The following CYP17A1 variants were observed in gnomAD, a reference collection of about 807,000 sequenced individuals.
CYP17A1 encodes cytochrome P450 family 17 subfamily A member 1.
Under a neutral mutation model 38.5 loss-of-function variants are expected in CYP17A1, and 27 were observed. That is an observed-to-expected ratio of 0.70 (90% confidence interval 0.52 to 0.97). CYP17A1 has a LOEUF of 0.97. Ranked by LOEUF, CYP17A1 falls within the 50% of genes least tolerant of loss-of-function variation. The probability of loss-of-function intolerance (pLI) is 0.00; values close to 1 mark genes in which losing one functional copy is unlikely to be tolerated. For synonymous variants in CYP17A1, 263 were observed against 253.3 expected (o/e 1.04, Z -0.36); for missense variants, 549 against 645.9 (o/e 0.85, Z 1.63).
chr10:102,834,048 A>G lies in CYP17A1; in HGVS notation c.741T>C (p.Leu247=), dbSNP rs778591928. ...CTCTATCACCTACCTTGTAATTTTC[A>G]AGTATTTTATTCAGCAGATCATTTC... The part of the protein sequence containing the change: ...KIRNDLLNKI[L]ENYKEKFRSD... Residue 247 remains leucine (L), a synonymous_variant, in exon 4 of 8, where the codon CTT becomes CTC. Transcript: ENST00000369887. 7 of 1,184,496 alleles carry G rather than the reference A, an allele frequency of 5.9e-6. No homozygotes were observed. Among genetic ancestry groups the G allele is most frequent in the Non-Finnish European group, 7.6e-6 (6 of 787,316 alleles). 73.4% of individuals were successfully genotyped at this position (1,184,496 alleles called of 1,614,324 possible). A position where few individuals can be genotyped will look rare whatever the true frequency, so the allele number is the denominator to read the frequency against.
At position 102,834,875 on chromosome 10, in the gene CYP17A1, G is replaced by A. The variant is rs375364403; in HGVS notation, c.576C>T (p.Asp192=). The change falls in exon 3 of 8, where the codon GAC becomes GAT. Residue 192 remains aspartate (D), a synonymous_variant. Coordinates refer to ENST00000369887, the MANE Select transcript of CYP17A1 (RefSeq NM_000102.4). ...AATTCTGTATGACATTCAACTCAGG[G>A]TCCCCATTCTTGTAGGAGGTATTGA... is the stretch of plus-strand genomic sequence containing the variant. The part of the protein sequence containing the change: ...ICFNTSYKNG[D]PELNVIQNYN... 10 of 1,613,898 alleles carry A rather than the reference G, an allele frequency of 6.2e-6. No homozygotes were observed. The highest frequency in any genetic ancestry group is 7.6e-6 in the Non-Finnish European group (9 of 1,180,014).
chr10:102,834,417 G>A, intron 3 of CYP17A1: 1 of 551,154 alleles, frequency 1.8e-6, no homozygotes, highest in Non-Finnish European at 3.4e-6. Context: ...AGAGACATGA[G>A]CCTGAAGGCT....
At position 102,837,349 on chromosome 10, in the gene CYP17A1, C is replaced by T. The variant is rs749456949; in HGVS notation, c.13G>A (p.Val5Met). The change falls in exon 1 of 8, where the codon GTG (valine) becomes ATG (methionine). Residue 5 changes from valine (V) to methionine (M), a missense_variant. Val to Met is a conservative substitution (Grantham distance 21, BLOSUM62 1). Coordinates refer to ENST00000369887, the MANE Select transcript of CYP17A1 (RefSeq NM_000102.4). ...GCTAGGGTAAGCAGCAAGAGAGCCA[C>T]GAGCTCCCACATGGTGGCTGGGTGC... is the stretch of plus-strand genomic sequence containing the variant. Reference protein sequence around the residue: MWELVALLLLTLAYL... With the variant: MWELMALLLLTLAYL... 30 of 1,610,948 alleles carry T rather than the reference C, an allele frequency of 1.9e-5. No individual in the cohort carries two copies. Among genetic ancestry groups the T allele is most frequent in the South Asian group, 3.3e-5 (3 of 91,014 alleles).
Position 102,830,787 on chromosome 10 carries a change from T to C in CYP17A1, c.1442A>G (p.Lys481Arg). 1 of 1,595,710 alleles carries C rather than the reference T, an allele frequency of 6.3e-7. No individual in the cohort carries two copies. Among genetic ancestry groups the C allele is most frequent in the Non-Finnish European group, 8.6e-7 (1 of 1,165,640 alleles). ...GAAAGAGTCGATCAGAAAGACCACCTTGGGGATGCCTTCCAGGGAGGGCAG... is the reference window on the plus strand; with the variant it reads ...GAAAGAGTCGATCAGAAAGACCACCCTGGGGATGCCTTCCAGGGAGGGCAG... ...GQLPSLEGIPKVVFLIDSFKV... is the reference protein window; with the variant it reads ...GQLPSLEGIPRVVFLIDSFKV... The change falls in exon 8 of 8, where the codon AAG (lysine) becomes AGG (arginine). Residue 481 changes from lysine to arginine, a missense_variant. By Grantham distance (26) the Lys-to-Arg change is conservative. This residue lies in a region of CYP17A1 where 257 missense variants were observed against 307.9 expected (regional missense o/e 0.83). Coordinates refer to ENST00000369887, the MANE Select transcript of CYP17A1 (RefSeq NM_000102.4). This position sits in a 1 kb window ranked among gnomAD's most constrained non-coding sequence, Gnocchi z 4.1.
rs1844170373 is a variant in CYP17A1, at chr10:102,836,940, A to G, written c.297+125T>C. ...AGGTTCACTCCCTTCACATCATCCC[A>G]CTAGTCTACTTTGGGAAGAATTACA... On this transcript the variant is annotated intron_variant, in intron 1 of 7. Transcript: ENST00000369887. 1.6e-5 allele frequency: 12 copies of G among 766,866 alleles called. No individual in the cohort carries two copies. In the East Asian group the frequency reaches 2.4e-4, roughly 16 times the overall value. The allele number at this position is 766,866 out of a possible 1,614,324, so 47.5% of individuals were successfully genotyped here.
Position 102,832,528 on chromosome 10 carries a change from C to A in CYP17A1, c.1122G>T (p.Lys374Asn). The A allele has an allele frequency of 6.2e-7, 1 of 1,610,752 alleles. No individual in the cohort carries two copies. Among genetic ancestry groups the A allele is most frequent in the Non-Finnish European group, 8.5e-7 (1 of 1,177,098 alleles). Residue 374 changes from lysine to asparagine, a missense_variant, in exon 6 of 8, where the codon AAG (lysine) becomes AAT (asparagine). Around this residue, in one of 3 missense-constraint regions of CYP17A1, gnomAD observed 257 missense variants for 307.9 expected, o/e 0.83. Coordinates refer to ENST00000369887, the MANE Select transcript of CYP17A1 (RefSeq NM_000102.4). The stretch of plus-strand genomic sequence containing the variant: ...AGGCACACCTGGAGTCAACGTTGGC[C>A]TTGTGGGGGATGAGCATAGGGGCCA... ...RPVAPMLIPH[K>N]ANVDSSIGEF...
chr10:102,835,772 G>A (rs769480093), intron 1 of CYP17A1, among the ~76,000 whole-genome samples: 14 of 152,190 alleles, frequency 9.2e-5, no homozygotes, highest in Non-Finnish European at 1.8e-4. Flanking sequence ...CCAGAGGGTA[G>A]GGAGCAGGTG....
At position 102,835,001 on chromosome 10, in the gene CYP17A1, G is replaced by T; in HGVS notation, c.450C>A (p.Ile150=). Residue 150 remains isoleucine, a synonymous_variant, in exon 3 of 8, where the codon ATC becomes ATA. Coordinates refer to ENST00000369887, the MANE Select transcript of CYP17A1 (RefSeq NM_000102.4). Reference sequence around the variant, plus strand: ...TGGCCAGCATATCACACAATGTACTGATTTCCTGACAAACTGAAGGGAGAG... The same window carrying T: ...TGGCCAGCATATCACACAATGTACTTATTTCCTGACAAACTGAAGGGAGAG... ...QKLEKIICQE[I]STLCDMLATH... 1 of 1,593,938 alleles carries T rather than the reference G, an allele frequency of 6.3e-7. No homozygotes were observed. The highest frequency in any genetic ancestry group is 2.2e-5 in the East Asian group (1 of 44,824).
In CYP17A1 at chr10:102,837,121, G is replaced by C. The variant is rs1220664949; in HGVS notation, c.241C>G (p.Leu81Val). 6.2e-7 allele frequency: 1 copy of C among 1,602,210 alleles called. No homozygotes were observed. Among genetic ancestry groups the C allele is most frequent in the Non-Finnish European group, 8.6e-7 (1 of 1,169,148 alleles). Residue 81 changes from leucine to valine, a missense_variant, in exon 1 of 8, where the codon CTG becomes GTG. By Grantham distance (32) the Leu-to-Val change is conservative. This residue lies in a region of CYP17A1 where 289 missense variants were observed against 320.9 expected (regional missense o/e 0.90). Transcript: ENST00000369887. ...TTCTTAATAAGCACCTCCTTGGCCAGCTGGTGGTGGCCGACAATCACTGTA... is the reference window on the plus strand; with the variant it reads ...TTCTTAATAAGCACCTCCTTGGCCACCTGGTGGTGGCCGACAATCACTGTA... Reference protein sequence around the residue: ...KTTVIVGHHQLAKEVLIKKGK... With the variant: ...KTTVIVGHHQVAKEVLIKKGK...
Position 102,830,704 on chromosome 10 carries a change from A to G in CYP17A1, c.1525T>C (p.Ter509GlnextTer3). The stretch of plus-strand genomic sequence containing the variant: ...ACAGGGGCTGTGAGTTACAGCCTTT[A>G]GGTGCTACCCTCAGCCTGGGCTTCC... ...WREAQAEGST[*>Q] Residue 509 changes from the stop codon to glutamine (Q), a stop_lost, in exon 8 of 8, where the codon TAA (stop) becomes CAA (glutamine). Transcript: ENST00000369887. This position sits in a 1 kb window ranked among gnomAD's most constrained non-coding sequence, Gnocchi z 4.1. The G allele has an allele frequency of 6.4e-7, 1 of 1,570,400 alleles. No individual in the cohort carries two copies. Among genetic ancestry groups the G allele is most frequent in the Non-Finnish European group, 8.7e-7 (1 of 1,144,066 alleles).
chr10:102,835,435 C>T (rs1283807680), intron 1 of CYP17A1, 43 bp from the exon 2 acceptor site: 7 of 1,565,222 alleles, frequency 4.5e-6, no homozygotes, highest in Non-Finnish European at 6.2e-6. Context: ...ACACCATCCA[C>T]CCCACTCTTG....
Position 102,834,893 on chromosome 10 carries a change from G to A in CYP17A1, c.558C>T (p.Thr186=), listed in dbSNP as rs1477032804. 6.2e-6 allele frequency: 10 copies of A among 1,613,852 alleles called. No individual in the cohort carries two copies. The highest frequency in any genetic ancestry group is 8.5e-6 in the Non-Finnish European group (10 of 1,179,876). ...TNVISLICFN[T]SYKNGDPELN... Reference sequence around the variant, plus strand: ...ACTCAGGGTCCCCATTCTTGTAGGAGGTATTGAAGCAGATCAAGGAGATGA... The same window carrying A: ...ACTCAGGGTCCCCATTCTTGTAGGAAGTATTGAAGCAGATCAAGGAGATGA... The change falls in exon 3 of 8, where the codon ACC becomes ACT. Residue 186 remains threonine, a synonymous_variant. Coordinates refer to ENST00000369887, the MANE Select transcript of CYP17A1 (RefSeq NM_000102.4).
intron 1 of CYP17A1, 56 bp from the exon 2 acceptor site, chr10:102,835,448 C>A: frequency 6.9e-7 from 1 of 1,456,566 alleles, no homozygotes; most frequent in South Asian, 1.1e-5. Context: ...CACTCTTGCC[C>A]TTACACCTCT....
rs138630127 is a variant in CYP17A1 at position 102,830,866 on chromosome 10, T to C, written c.1363A>G (p.Ile455Val). The change falls in exon 8 of 8, where the codon ATC becomes GTC. Residue 455 changes from isoleucine (I) to valine (V), a missense_variant. This residue lies in a region of CYP17A1 where 257 missense variants were observed against 307.9 expected (regional missense o/e 0.83). Transcript: ENST00000369887. The surrounding 1 kb of genome is among the most constrained non-coding windows in gnomAD (Gnocchi z 4.1). ...AACCTCTGCAGCAGCCAGGCCATGA[T>C]GAGGAAGAGCTCCTGGCGGGCCAGG... ...EILARQELFL[I>V]MAWLLQRFDL... 28 of 1,592,372 alleles carry C rather than the reference T, an allele frequency of 1.8e-5. No homozygotes were observed. Among genetic ancestry groups the C allele is most frequent in the Non-Finnish European group, 2.2e-5 (26 of 1,167,206 alleles).
rs1844153382 is a variant in CYP17A1 at position 102,835,658 on chromosome 10, G to A, written c.298-266C>T. On this transcript the variant is annotated intron_variant, in intron 1 of 7. Coordinates refer to ENST00000369887, the MANE Select transcript of CYP17A1 (RefSeq NM_000102.4). ...TTAATTAGAATGCAGCAGCATTGGG[G>A]TTCTTTTCGCTGACAGGGTGCCCTC... The A allele has an allele frequency of 5.9e-6, 3 of 509,604 alleles. No individual in the cohort carries two copies. The Admixed American group carries it at 9.6e-5, about 16-fold the overall frequency. 31.6% of individuals were successfully genotyped at this position (509,604 alleles called of 1,614,324 possible).
At chr10:102,831,362 G>T in intron 7 of CYP17A1, 146 bp downstream of exon 7, 1 of 1,360,310 alleles carries the variant, frequency 7.4e-7, no homozygotes, top group Non-Finnish European at 1.0e-6. Context: ...GTAAGTCTAT[G>T]GCAGGATGAG....
At chr10:102,832,015 T>C (rs1194840293) in intron 6 of CYP17A1, among the ~76,000 whole-genome samples, 1 of 152,196 alleles carries the variant, frequency 6.6e-6, no homozygotes, top group African/African-American at 2.4e-5. Flanking sequence ...AATGCGTGTC[T>C]GTAGGTGGTA....
intron 6 of CYP17A1, 40 bp downstream of exon 6, chr10:102,832,471 T>G (rs1056323952): frequency 7.3e-7 from 1 of 1,378,064 alleles, no homozygotes; most frequent in Admixed American, 1.7e-5. Context: ...CAGTGTTGAA[T>G]GCATCATGGG....
chr10:102,832,510 C>A lies in CYP17A1; in HGVS notation c.1139+1G>T. 1 of 1,597,740 alleles carries A rather than the reference C, an allele frequency of 6.3e-7. No individual in the cohort carries two copies. Among genetic ancestry groups the A allele is most frequent in the Non-Finnish European group, 8.6e-7 (1 of 1,165,178 alleles). ...AGATGTCACTGGGAGGGCAGGCACA[C>A]CTGGAGTCAACGTTGGCCTTGTGGG... On this transcript the variant is annotated splice_donor_variant, in intron 6 of 7. Transcript: ENST00000369887. LOFTEE classifies it high-confidence loss of function.
Sources: gnomAD v4.1 joint callset for allele counts (sites outside exome capture counted in the v4.1 genomes callset) on GRCh38, gnomAD v4.1.1 for gene constraint, gnomAD v4.1.1 regional missense constraint, Gnocchi (gnomAD v3.1) non-coding constraint, MANE v1.5 for transcripts, NCBI Gene and HGNC (gene_info 2026-07-23, HGNC 2026-07-21) for gene names.